LRRC7: variants seen among roughly 807,000 people sequenced by gnomAD.
LRRC7 encodes the protein leucine rich repeat containing 7, also known as leucine-rich repeat-containing protein 7.
In LRRC7, 23 loss-of-function variants were observed where a neutral mutation model predicts 175.7. That is an observed-to-expected ratio of 0.13 (90% CI 0.09 to 0.19). The LOEUF (loss-of-function observed/expected upper bound fraction) is 0.19. LRRC7 is among the 10% of genes least tolerant of loss of function. The pLI is 1.00. For missense variants in LRRC7, 1,354 were observed against 1,904.7 expected (o/e 0.71, Z 5.38); for synonymous variants, 685 against 680.9 (o/e 1.01, Z -0.09).
At chr1:69,967,811 G>C (rs1651810292) in intron 8 of LRRC7, among the ~76,000 whole-genome samples, 1 of 152,170 alleles carries the variant, frequency 6.6e-6, no homozygotes, top group Non-Finnish European at 1.5e-5. Context: ...ACAGCCTTGA[G>C]CCTTAGACTT....
Position 69,678,408 on chromosome 1 carries a change from T to TC in LRRC7, c.35dup (p.Gln13AlafsTer8), listed in dbSNP as rs1283274577. ...TGGAGAACCTAATAAGGGGAAGGAA[T>TC]CCCCCGCAATACCAGAGAAGTCCTT... On this transcript the variant is annotated frameshift_variant, in exon 2 of 27. Transcript: ENST00000651989. LOFTEE classifies it high-confidence loss of function. 1 of 1,602,198 alleles carries TC rather than the reference T, an allele frequency of 6.2e-7. No individual in the cohort carries two copies. Among genetic ancestry groups the TC allele is most frequent in the African/African-American group, 1.3e-5 (1 of 74,740 alleles).
At chr1:70,116,402 C>T (rs1665852813) in intron 26 of LRRC7, among the ~76,000 whole-genome samples, 1 of 152,248 alleles carries the variant, frequency 6.6e-6, no homozygotes, top group African/African-American at 2.4e-5. Context: ...AGAAAATTAG[C>T]CAGGCGTGGT....
At chr1:69,624,531 T>C (rs574096638) in intron 1 of LRRC7, among the ~76,000 whole-genome samples, 1 of 152,240 alleles carries the variant, frequency 6.6e-6, no homozygotes, top group East Asian at 1.9e-4. Context: ...AATTTATTAA[T>C]CTTTTTTCAG....
chr1:69,949,131 T>G (rs1348302292), intron 8 of LRRC7, among the ~76,000 whole-genome samples: 1 of 150,262 alleles, frequency 6.7e-6, no homozygotes, highest in African/African-American at 2.5e-5. Context: ...AAAGTAGTTG[T>G]AATAAAGAAA....
At chr1:70,034,421 C>A in intron 18 of LRRC7, among the ~76,000 whole-genome samples, 1 of 152,060 alleles carries the variant, frequency 6.6e-6, no homozygotes, top group African/African-American at 2.4e-5. Context: ...AGTTATCTTT[C>A]CTCTGTGAAG....
At chr1:69,678,293 G>A in intron 1 of LRRC7, 88 bp from the exon 2 acceptor site, 2 of 941,040 alleles carry the variant, frequency 2.1e-6, no homozygotes, top group Non-Finnish European at 3.3e-6. Flanking sequence ...GCAAAGTTCT[G>A]TGGGAATTTG....
intron 2 of LRRC7, among the ~76,000 whole-genome samples, chr1:69,758,461 C>T (rs1050438653): frequency 6.6e-6 from 1 of 151,970 alleles, no homozygotes; most frequent in Non-Finnish European, 1.5e-5. Context: ...ACATCTAGCA[C>T]CTCTTAAAGC....
In LRRC7 at chr1:69,627,963, TTTATA is replaced by T. The variant is rs1366416550; in HGVS notation, c.3-50412_3-50408del. On this transcript the variant is annotated intron_variant, in intron 1 of 26. Coordinates refer to ENST00000651989, the MANE Select transcript of LRRC7 (RefSeq NM_001370785.2). ...CAGTTTACAGTTTACTTTTGTTAGC[TTTATA>T]TTATACTTAATATATTTGGTATATG... 2.6e-5 allele frequency among the ~76,000 whole-genome samples: 4 copies of T among 152,212 alleles called. No homozygotes were observed. The East Asian group carries it at 7.7e-4, about 29-fold the overall frequency.
At chr1:69,681,481 A>G (rs1040683802) in intron 2 of LRRC7, among the ~76,000 whole-genome samples, 1 of 152,134 alleles carries the variant, frequency 6.6e-6, no homozygotes, top group African/African-American at 2.4e-5. Context: ...AATATTTGCA[A>G]TGTTAAAATC....
intron 7 of LRRC7, among the ~76,000 whole-genome samples, chr1:69,914,208 A>G (rs1646620073): frequency 6.6e-6 from 1 of 152,212 alleles, no homozygotes; most frequent in Admixed American, 6.5e-5. Context: ...ATCCTGAGTC[A>G]GCAAATCCAA....
Position 70,143,941 on chromosome 1 carries a change from T to C in LRRC7, c.*22054T>C, listed in dbSNP as rs2102297690. On this transcript the variant is annotated 3_prime_UTR_variant, in exon 27 of 27. Transcript: ENST00000651989. ...ATGTAAATAAAACTGAATGAAGACA[T>C]ATTTACTACTTTATTAACATAGATC... is the stretch of plus-strand genomic sequence containing the variant. 1 of 152,308 alleles carries C rather than the reference T, an allele frequency of 6.6e-6. No individual in the cohort carries two copies. Among genetic ancestry groups the C allele is most frequent in the African/African-American group, 2.4e-5 (1 of 41,562 alleles). The allele number at this position is 152,308 out of a possible 1,614,324, so 9.4% of individuals were successfully genotyped here. A position where few individuals can be genotyped will look rare whatever the true frequency, so the allele number is the denominator to read the frequency against.
chr1:70,028,516 G>A, intron 18 of LRRC7, 145 bp downstream of exon 18: 1 of 749,108 alleles, frequency 1.3e-6, no homozygotes, highest in South Asian at 1.9e-5. Flanking sequence ...AACTATGAGG[G>A]TTGCATTTAA....
intron 8 of LRRC7, among the ~76,000 whole-genome samples, chr1:69,958,892 CA>C (rs1302590569): frequency 1.3e-5 from 2 of 152,166 alleles, no homozygotes; most frequent in Non-Finnish European, 2.9e-5. Flanking sequence ...TATTCCTTTG[CA>C]AATTCTCTAA....
chr1:69,628,288 G>T (rs1651928346), intron 1 of LRRC7, among the ~76,000 whole-genome samples: 1 of 152,102 alleles, frequency 6.6e-6, no homozygotes, highest in Admixed American at 6.6e-5. Flanking sequence ...CAAAGTCATA[G>T]GATAGAAAGT....
Position 70,144,359 on chromosome 1 carries a change from T to C in LRRC7, c.*22472T>C, listed in dbSNP as rs1302733695. Reference sequence around the variant, plus strand: ...TATAAATAATAAAATGTCACCTTATTGTAAAGTGTCTTTTGTTTACTATCA... The same window carrying C: ...TATAAATAATAAAATGTCACCTTATCGTAAAGTGTCTTTTGTTTACTATCA... On this transcript the variant is annotated 3_prime_UTR_variant, in exon 27 of 27. Coordinates refer to ENST00000651989, the MANE Select transcript of LRRC7 (RefSeq NM_001370785.2). 6.6e-6 allele frequency: 1 copy of C among 152,184 alleles called. No individual in the cohort carries two copies. Among genetic ancestry groups the C allele is most frequent in the Non-Finnish European group, 1.5e-5 (1 of 68,034 alleles). 9.4% of individuals were successfully genotyped at this position (152,184 alleles called of 1,614,324 possible).
At chr1:69,865,148 AC>A (rs1268306483) in intron 7 of LRRC7, among the ~76,000 whole-genome samples, 1 of 152,138 alleles carries the variant, frequency 6.6e-6, no homozygotes, top group Non-Finnish European at 1.5e-5. Context: ...CCTAGAGAAA[AC>A]AACTTTCCTT....
chr1:69,966,303 T>C (rs1651661746), intron 8 of LRRC7, among the ~76,000 whole-genome samples: 1 of 152,180 alleles, frequency 6.6e-6, no homozygotes, highest in Non-Finnish European at 1.5e-5. Flanking sequence ...CAGTTGTATA[T>C]TGCTTCTGGG....
intron 1 of LRRC7, 40 bp downstream of exon 1, chr1:69,568,681 G>C (rs761426045): frequency 1.1e-6 from 1 of 900,070 alleles, no homozygotes; most frequent in Non-Finnish European, 1.5e-6. Context: ...AGGGTGCTGC[G>C]GGGGCCCGGC....
At chr1:69,786,624 C>G (rs937456159) in intron 3 of LRRC7, among the ~76,000 whole-genome samples, 2 of 152,172 alleles carry the variant, frequency 1.3e-5, no homozygotes, top group African/African-American at 4.8e-5. Flanking sequence ...AAAGGCACAT[C>G]TCACATGCTG....
Sources: gnomAD v4.1 joint callset for allele counts (sites outside exome capture counted in the v4.1 genomes callset) on GRCh38, gnomAD v4.1.1 for gene constraint, MANE v1.5 for transcripts, NCBI Gene and HGNC (gene_info 2026-07-23, HGNC 2026-07-21) for gene names.